The following ZNF608 variants were observed in gnomAD, a reference collection of about 807,000 sequenced individuals.
ZNF608 encodes zinc finger protein 608.
A neutral mutation model predicts 109.0 loss-of-function variants in ZNF608; 12 were observed. The observed-to-expected ratio is 0.11, with a 90% CI of 0.07 to 0.18. The LOEUF (loss-of-function observed/expected upper bound fraction) is 0.18. ZNF608 is among the 10% of genes least tolerant of loss of function. The probability of loss-of-function intolerance (pLI) is 1.00; values close to 1 mark genes in which losing one functional copy is unlikely to be tolerated. For missense variants in ZNF608, 1,707 were observed against 1,879.3 expected, an observed-to-expected ratio of 0.91 and a Z score of 1.70; for synonymous variants, 732 against 717.4, an observed-to-expected ratio of 1.02 and a Z score of -0.33.
rs764132518 is a variant in ZNF608, at chr5:124,648,165, G to T, written c.2219C>A (p.Pro740His). Residue 740 changes from proline to histidine, a missense_variant, in exon 5 of 10, where the codon CCT becomes CAT. Transcript: ENST00000513986. ...SKLKSARPIA[P>H]APAPTPPQLI... ...CTGCGGGGGAGTGGGGGCTGGGGCA[G>T]GGGCAATGGGCCGGGCACTTTTCAG... is the stretch of plus-strand genomic sequence containing the variant. 7 of 1,613,152 alleles carry T rather than the reference G, an allele frequency of 4.3e-6. No homozygotes were observed. The highest frequency in any genetic ancestry group is 5.9e-6 in the Non-Finnish European group (7 of 1,179,650).
Position 124,651,467 on chromosome 5 carries a change from T to A in ZNF608, c.1163-1770A>T, listed in dbSNP as rs781096942. On this transcript the variant is annotated intron_variant, in intron 3 of 9. Transcript: ENST00000513986. The stretch of plus-strand genomic sequence containing the variant: ...GCTATATTTACAGTGCAGGAATATA[T>A]CTGTACTGCCAGAAGGTTACTGCAT... Among the ~76,000 whole-genome samples, 9 of 152,198 alleles carry A rather than the reference T, an allele frequency of 5.9e-5. 1 individual carries two copies. Among genetic ancestry groups the A allele is most frequent in the Non-Finnish European group, 7.3e-5 (5 of 68,036 alleles).
chr5:124,642,867 T>C (rs1750310995), intron 7 of ZNF608, among the ~76,000 whole-genome samples: 1 of 151,924 alleles, frequency 6.6e-6, no homozygotes, highest in Non-Finnish European at 1.5e-5. Context: ...AGGCTACTTT[T>C]TGTATTTTTA....
intron 3 of ZNF608, among the ~76,000 whole-genome samples, chr5:124,665,832 G>C (rs1414772542): frequency 6.6e-6 from 1 of 152,302 alleles, no homozygotes; most frequent in Admixed American, 6.5e-5. Flanking sequence ...GCAGTTTAAT[G>C]AACAGTCATA....
chr5:124,703,244 AAGAGAACAAACGT>A (rs772288155), intron 2 of ZNF608, among the ~76,000 whole-genome samples: 21 of 152,218 alleles, frequency 1.4e-4, no homozygotes, highest in Non-Finnish European at 2.5e-4. Context: ...CATTAATACC[AAGAGAACAAACGT>A]AGCTTGAATA....
intron 3 of ZNF608, among the ~76,000 whole-genome samples, chr5:124,685,762 GAAC>G (rs1752387307): frequency 1.3e-5 from 2 of 152,230 alleles, no homozygotes; most frequent in Non-Finnish European, 2.9e-5. Context: ...TATGTGGTTA[GAAC>G]AACTAGATCC....
chr5:124,641,792 TTG>T (rs1750251675), intron 7 of ZNF608, among the ~76,000 whole-genome samples: 1 of 152,226 alleles, frequency 6.6e-6, no homozygotes, highest in Non-Finnish European at 1.5e-5. Flanking sequence ...CACTTGTATT[TTG>T]TGGAGAGAAC....
intron 3 of ZNF608, among the ~76,000 whole-genome samples, chr5:124,667,186 C>A (rs78939870): frequency 6.6e-6 from 1 of 152,156 alleles, no homozygotes; most frequent in Admixed American, 6.5e-5. Flanking sequence ...GTATTCACAA[C>A]CCCAGTCATT....
At chr5:124,692,808 G>A (rs1307119125) in intron 3 of ZNF608, among the ~76,000 whole-genome samples, 1 of 152,132 alleles carries the variant, frequency 6.6e-6, no homozygotes, top group Non-Finnish European at 1.5e-5. Context: ...TAATGACAGT[G>A]GGCTTATTTT....
chr5:124,644,629 T>A lies in ZNF608; in HGVS notation c.3738A>T (p.Val1246=), dbSNP rs768884093. 2 of 1,577,040 alleles carry A rather than the reference T, an allele frequency of 1.3e-6. No individual in the cohort carries two copies. The highest frequency in any genetic ancestry group is 8.6e-7 in the Non-Finnish European group (1 of 1,161,010). The change falls in exon 6 of 10, where the codon GTA becomes GTT. Residue 1246 remains valine (V), a synonymous_variant. Coordinates refer to ENST00000513986, the MANE Select transcript of ZNF608 (RefSeq NM_020747.3). ...DPDSRTWHHY[V]YQPKYLDQQK... ...GCTGATCCAGATATTTGGGCTGGTA[T>A]ACATAATGATGCCATGTTCTTGAAT...
chr5:124,744,621 G>C lies in ZNF608; in HGVS notation c.369C>G (p.Ala123=). ...KDANKSLPSA[A]LYGIPEISST... ...TGCTGATCTCGGGAATCCCATACAA[G>C]GCAGCAGAAGGCAGAGATTTATTAG... The change falls in exon 2 of 10, where the codon GCC becomes GCG. Residue 123 remains alanine, a synonymous_variant. Transcript: ENST00000513986. The surrounding 1 kb of genome is among the most constrained non-coding windows in gnomAD (Gnocchi z 4.5). 1 of 1,614,208 alleles carries C rather than the reference G, an allele frequency of 6.2e-7. No homozygotes were observed. Among genetic ancestry groups the C allele is most frequent in the Non-Finnish European group, 8.5e-7 (1 of 1,180,044 alleles).
upstream of ZNF608, chr5:124,746,861 G>A (rs867759182): frequency 3.1e-5 from 26 of 850,156 alleles, no homozygotes; most frequent in South Asian, 9.7e-4. Flanking sequence ...TGGGCAAGAG[G>A]AGAAAAAGAA....
chr5:124,722,437 C>T (rs1753964674), intron 2 of ZNF608, among the ~76,000 whole-genome samples: 1 of 152,114 alleles, frequency 6.6e-6, no homozygotes, highest in Non-Finnish European at 1.5e-5. Flanking sequence ...GTAAATATTC[C>T]TAGGGCTGGA....
chr5:124,649,638 A>C lies in ZNF608; in HGVS notation c.1222T>G (p.Cys408Gly), dbSNP rs768796395. 6.2e-7 allele frequency: 1 copy of C among 1,611,218 alleles called. No individual in the cohort carries two copies. The highest frequency in any genetic ancestry group is 8.5e-7 in the Non-Finnish European group (1 of 1,178,182). ...NKTYVGTLLD[C>G]TKHDWAPPRF... ...GGAGGGGCCCAGTCGTGCTTGGTGC[A>C]GTCCAGTAGGGTTCCCACGTACGTT... The change falls in exon 4 of 10, where the codon TGC (cysteine) becomes GGC (glycine). Residue 408 changes from cysteine (C) to glycine (G), a missense_variant. By Grantham distance (159) the Cys-to-Gly change is radical. This residue lies in a region of ZNF608 where 166 missense variants were observed against 204.2 expected (regional missense o/e 0.81). Coordinates refer to ENST00000513986, the MANE Select transcript of ZNF608 (RefSeq NM_020747.3).
intron 7 of ZNF608, among the ~76,000 whole-genome samples, chr5:124,641,703 T>C (rs1001789804): frequency 1.3e-5 from 2 of 152,192 alleles, no homozygotes; most frequent in African/African-American, 4.8e-5. Flanking sequence ...GGTTAAGAAT[T>C]TACCCAATTG....
At chr5:124,645,825 A>G (rs961150969) in intron 5 of ZNF608, among the ~76,000 whole-genome samples, 13 of 152,196 alleles carry the variant, frequency 8.5e-5, no homozygotes, top group African/African-American at 2.6e-4. Context: ...TACTTAATAT[A>G]GGGAGTAAGA....
At chr5:124,692,311 G>GACCATATC (rs1210614962) in intron 3 of ZNF608, among the ~76,000 whole-genome samples, 1 of 152,170 alleles carries the variant, frequency 6.6e-6, no homozygotes, top group Admixed American at 6.5e-5. Context: ...CAGGTATCAA[G>GACCATATC]ACCATATCAC....
At chr5:124,711,071 G>A (rs1753469279) in intron 2 of ZNF608, among the ~76,000 whole-genome samples, 2 of 152,088 alleles carry the variant, frequency 1.3e-5, no homozygotes, top group South Asian at 4.2e-4. Flanking sequence ...GTCCCAATGA[G>A]GTCTATCATG....
chr5:124,727,936 T>C (rs1179818366), intron 2 of ZNF608, among the ~76,000 whole-genome samples: 1 of 152,006 alleles, frequency 6.6e-6, no homozygotes, highest in African/African-American at 2.4e-5. Context: ...ACAGGGTTTG[T>C]CCATGTTGGT....
intron 2 of ZNF608, among the ~76,000 whole-genome samples, chr5:124,715,018 C>T (rs905941863): frequency 1.3e-5 from 2 of 152,166 alleles, no homozygotes; most frequent in Admixed American, 1.3e-4. Context: ...GGATCTTCTG[C>T]TTCTAGTGTT....
Sources: gnomAD v4.1 joint callset for allele counts (sites outside exome capture counted in the v4.1 genomes callset) on GRCh38, gnomAD v4.1.1 for gene constraint, gnomAD v4.1.1 regional missense constraint, Gnocchi (gnomAD v3.1) non-coding constraint, MANE v1.5 for transcripts, NCBI Gene and HGNC (gene_info 2026-07-23, HGNC 2026-07-21) for gene names.